Variants in VTI1A observed in about 807,000 individuals in gnomAD.
VTI1A encodes the protein vesicle transport through interaction with t-SNAREs homolog 1A.
In VTI1A, 22 loss-of-function variants were observed where a neutral mutation model predicts 34.9. The observed-to-expected ratio is 0.63, with a 90% CI of 0.45 to 0.90. VTI1A has a LOEUF of 0.90. Among genes scored for constraint, VTI1A ranks in the 40% least tolerant of loss-of-function variants. The probability of loss-of-function intolerance (pLI) is 0.00; values close to 1 mark genes in which losing one functional copy is unlikely to be tolerated. For missense variants in VTI1A, 268 were observed against 275.6 expected, an observed-to-expected ratio of 0.97 and a Z score of 0.20; for synonymous variants, 87 against 97.3, an observed-to-expected ratio of 0.89 and a Z score of 0.62.
intron 7 of VTI1A, among the ~76,000 whole-genome samples, chr10:112,709,061 G>A (rs1399816804): frequency 6.6e-6 from 1 of 152,096 alleles, no homozygotes; most frequent in Non-Finnish European, 1.5e-5. Context: ...GGAGGGGTAC[G>A]TGTCCCCTTC....
chr10:112,503,908 G>A (rs1849329407), intron 3 of VTI1A, among the ~76,000 whole-genome samples: 2 of 152,140 alleles, frequency 1.3e-5, no homozygotes, highest in African/African-American at 2.4e-5. Context: ...AAGTGTGATT[G>A]TTCTCCATGG....
At chr10:112,828,762 A>G in the VTI1A span, among the ~76,000 whole-genome samples, 1 of 151,670 alleles carries the variant, frequency 6.6e-6, no homozygotes, top group Non-Finnish European at 1.5e-5. Context: ...CTGTAATCCC[A>G]GCACTTTGGG....
chr10:112,840,638 C>T, the VTI1A span, among the ~76,000 whole-genome samples: 1 of 152,216 alleles, frequency 6.6e-6, no homozygotes, highest in African/African-American at 2.4e-5. Context: ...CCACTGCCTG[C>T]TTGCCCAAGA....
intron 3 of VTI1A, among the ~76,000 whole-genome samples, chr10:112,520,341 T>A (rs1305965318): frequency 1.3e-5 from 2 of 152,062 alleles, no homozygotes; most frequent in African/African-American, 4.8e-5. Context: ...TCAAAAGTCA[T>A]AAACTGCAAG....
At chr10:112,585,233 G>A (rs960147464) in intron 5 of VTI1A, among the ~76,000 whole-genome samples, 6 of 152,152 alleles carry the variant, frequency 3.9e-5, no homozygotes, top group African/African-American at 7.2e-5. Flanking sequence ...AATGGGCGAG[G>A]TGCACCACTG....
At chr10:112,697,865 C>CGTGTGTGTGTGTGTGTGT (rs762339605) in intron 7 of VTI1A, among the ~76,000 whole-genome samples, 18 of 126,208 alleles carry the variant, frequency 1.4e-4, no homozygotes, top group African/African-American at 5.1e-4. Context: ...TTAGCATTTA[C>CGTGTGTGTGTGTGTGTGT]ATGTGTGTGT....
chr10:112,568,321 A>G (rs1402282674), intron 5 of VTI1A, among the ~76,000 whole-genome samples: 1 of 152,116 alleles, frequency 6.6e-6, no homozygotes, highest in East Asian at 1.9e-4. Flanking sequence ...AGCCTGGCCA[A>G]CATGATGAAA....
intron 7 of VTI1A, among the ~76,000 whole-genome samples, chr10:112,685,408 G>T (rs1401540383): frequency 6.6e-6 from 1 of 151,998 alleles, no homozygotes; most frequent in African/African-American, 2.4e-5. Flanking sequence ...TGTGCTGCTG[G>T]TTATGTGAGT....
At chr10:112,670,948 T>C (rs1847824113) in intron 7 of VTI1A, among the ~76,000 whole-genome samples, 1 of 152,220 alleles carries the variant, frequency 6.6e-6, no homozygotes, top group African/African-American at 2.4e-5. Context: ...AGCCAGGATA[T>C]TCAGATATTT....
At chr10:112,775,335 G>A (rs1172821266) in intron 7 of VTI1A, among the ~76,000 whole-genome samples, 1 of 152,152 alleles carries the variant, frequency 6.6e-6, no homozygotes, top group African/African-American at 2.4e-5. Flanking sequence ...AGATTGTGTT[G>A]TCCCAGTGCA....
intron 3 of VTI1A, among the ~76,000 whole-genome samples, chr10:112,476,314 C>T (rs1019596659): frequency 2.6e-5 from 4 of 152,148 alleles, no homozygotes; most frequent in Non-Finnish European, 4.4e-5. Flanking sequence ...GTGGAATCTC[C>T]GTTTAATTTC....
chr10:112,618,518 T>TAGAG (rs1229141246), intron 5 of VTI1A, among the ~76,000 whole-genome samples: 482 of 47,374 alleles, frequency 0.01, 3 homozygotes, highest in Middle Eastern at 0.043. Context: ...TATATATATA[T>TAGAG]ATATATAGAG....
intron 7 of VTI1A, among the ~76,000 whole-genome samples, chr10:112,760,385 C>T (rs1037482307): frequency 1.3e-5 from 2 of 152,224 alleles, no homozygotes; most frequent in East Asian, 3.9e-4. Flanking sequence ...GTCTCTCTCT[C>T]TCTCTCAAAA....
chr10:112,540,332 T>C (rs549503460), intron 5 of VTI1A, among the ~76,000 whole-genome samples: 1 of 152,374 alleles, frequency 6.6e-6, no homozygotes, highest in Admixed American at 6.5e-5. Flanking sequence ...AAGAGTGTCC[T>C]GTCAGCCTAC....
In VTI1A at chr10:112,520,647, G is replaced by GTGTA. The variant is rs1330449301; in HGVS notation, c.265-6439_265-6438insGTAT. On this transcript the variant is annotated intron_variant, in intron 3 of 7. Transcript: ENST00000393077. The stretch of plus-strand genomic sequence containing the variant: ...TGTGTGTGTGTGTGTGTGTGTGTGT[G>GTGTA]TATATATATATATATATATATATAT... Among the ~76,000 whole-genome samples, 843 of 128,956 alleles carry GTGTA rather than the reference G, an allele frequency of 6.5e-3. 8 individuals are homozygous for GTGTA. The highest frequency in any genetic ancestry group is 0.02 in the African/African-American group (703 of 35,412). 84.6% of individuals were successfully genotyped at this position (128,956 alleles called of 152,430 possible).
intron 7 of VTI1A, among the ~76,000 whole-genome samples, chr10:112,678,358 C>G (rs1014574217): frequency 4.6e-5 from 7 of 152,264 alleles, no homozygotes; most frequent in African/African-American, 1.7e-4. Flanking sequence ...CTAGGCCTTC[C>G]TTATAAACAA....
chr10:112,659,204 G>A (rs1448404494), intron 5 of VTI1A, among the ~76,000 whole-genome samples: 3 of 152,150 alleles, frequency 2.0e-5, no homozygotes, highest in Admixed American at 6.5e-5. Context: ...AAGTAAATAC[G>A]TGTTTGGTAA....
At chr10:112,683,057 C>A (rs1848276039) in intron 7 of VTI1A, among the ~76,000 whole-genome samples, 1 of 152,164 alleles carries the variant, frequency 6.6e-6, no homozygotes, top group South Asian at 2.1e-4. Flanking sequence ...GGCTGGATTT[C>A]CACAGAGCAT....
intron 7 of VTI1A, among the ~76,000 whole-genome samples, chr10:112,678,883 A>G (rs1001675427): frequency 6.6e-6 from 1 of 152,242 alleles, no homozygotes; most frequent in African/African-American, 2.4e-5. Flanking sequence ...ACGCAGGAGG[A>G]CAAAAGGGGA....
Sources: allele counts gnomAD v4.1 joint callset (sites outside exome capture counted in the v4.1 genomes callset), GRCh38; gene constraint gnomAD v4.1.1; transcripts MANE v1.5; gene names NCBI Gene and HGNC (gene_info 2026-07-23, HGNC 2026-07-21).